The following CTBP2 variants were observed in gnomAD, a reference collection of about 807,000 sequenced individuals.
CTBP2 encodes C-terminal binding protein 2.
CTBP2 carries 30 observed loss-of-function variants against 80.3 expected under a neutral mutation model. That is an observed-to-expected ratio of 0.37 (90% confidence interval 0.28 to 0.51). The LOEUF (loss-of-function observed/expected upper bound fraction) is 0.51, where lower values mean the gene tolerates loss of function less well. Among genes scored for constraint, CTBP2 ranks in the 20% least tolerant of loss-of-function variants. CTBP2 has a pLI of 0.93. For missense variants in CTBP2, 1,212 were observed against 1,375.3 expected (o/e 0.88, Z 1.88); for synonymous variants, 594 against 587.4 (o/e 1.01, Z -0.16).
At chr10:125,134,969 A>T (rs186474210) in intron 1 of CTBP2, among the ~76,000 whole-genome samples, 290 of 151,552 alleles carry the variant, frequency 1.9e-3, no homozygotes, top group African/African-American at 6.7e-3. Context: ...TCATCCCAAC[A>T]GCCAACCCCC....
upstream of CTBP2, chr10:125,162,439 T>C (rs1161920219): frequency 6.6e-6 from 1 of 152,306 alleles, no homozygotes; most frequent in Non-Finnish European, 1.5e-5. Context: ...TCTTAAATCC[T>C]GCCCCAGCCC....
At chr10:125,007,103 C>T (rs996744155) in intron 1 of CTBP2, among the ~76,000 whole-genome samples, 2 of 152,216 alleles carry the variant, frequency 1.3e-5, no homozygotes, top group Admixed American at 6.5e-5. Flanking sequence ...TCCTTTCTAC[C>T]GTCTCCCGCC....
chr10:125,057,351 C>T (rs75024603), intron 2 of CTBP2, among the ~76,000 whole-genome samples: 7,103 of 152,232 alleles, frequency 0.047, 219 homozygotes, highest in East Asian at 0.11. Context: ...CATGGCTTAA[C>T]TTAGCCTGAG....
chr10:125,038,096 G>T (rs1959067811), intron 3 of CTBP2, among the ~76,000 whole-genome samples: 1 of 152,190 alleles, frequency 6.6e-6, no homozygotes, highest in South Asian at 2.1e-4. Context: ...TGAGGCCATG[G>T]AGTCACTCAG....
At chr10:125,004,959 G>A (rs1955033327) in intron 1 of CTBP2, among the ~76,000 whole-genome samples, 1 of 152,184 alleles carries the variant, frequency 6.6e-6, no homozygotes, top group South Asian at 2.1e-4. Context: ...CCCCAAGCTG[G>A]CCACTTGGTG....
chr10:125,059,143 G>A (rs759257034), intron 2 of CTBP2, among the ~76,000 whole-genome samples: 6 of 152,124 alleles, frequency 3.9e-5, no homozygotes, highest in Non-Finnish European at 8.8e-5. Flanking sequence ...TGGGCGGTGG[G>A]GGTGGGAGGC....
At chr10:125,151,085 A>G (rs1859764004) in intron 1 of CTBP2, among the ~76,000 whole-genome samples, 1 of 152,116 alleles carries the variant, frequency 6.6e-6, no homozygotes, top group South Asian at 2.1e-4. Context: ...GACACTAAGT[A>G]AGTGCTCAAG....
chr10:125,047,439 T>A (rs776463778), intron 2 of CTBP2, among the ~76,000 whole-genome samples: 18 of 152,162 alleles, frequency 1.2e-4, no homozygotes, highest in Non-Finnish European at 2.5e-4. Flanking sequence ...TTCCAGAATG[T>A]TTATATCTGA....
chr10:125,020,333 A>G (rs1956912329), intron 1 of CTBP2, among the ~76,000 whole-genome samples: 1 of 152,142 alleles, frequency 6.6e-6, no homozygotes, highest in Non-Finnish European at 1.5e-5. Context: ...CAGCCACACA[A>G]AACTATTATC....
chr10:125,069,421 C>T (rs1206576583), intron 2 of CTBP2, among the ~76,000 whole-genome samples: 1 of 152,138 alleles, frequency 6.6e-6, no homozygotes, highest in Non-Finnish European at 1.5e-5. Flanking sequence ...AGTTCAAGAC[C>T]AGCCTGGCCA....
intron 1 of CTBP2, among the ~76,000 whole-genome samples, 153 bp from the exon 4 acceptor site, chr10:125,003,645 A>G (rs1954844251): frequency 6.6e-6 from 1 of 152,152 alleles, no homozygotes. Flanking sequence ...ATCACCTTCC[A>G]GGGAGCCACT....
intron 1 of CTBP2, among the ~76,000 whole-genome samples, chr10:125,153,227 A>T (rs899813493): frequency 6.6e-5 from 10 of 152,364 alleles, no homozygotes; most frequent in African/African-American, 2.4e-4. Flanking sequence ...CGTTCCTGGG[A>T]CATGGCTTTA....
In CTBP2 at chr10:125,066,588, C is replaced by T. The variant is rs1302682013; in HGVS notation, c.-101-27433G>A. Among the ~76,000 whole-genome samples, 4 of 152,230 alleles carry T rather than the reference C, an allele frequency of 2.6e-5. No homozygotes were observed. In the South Asian group the frequency reaches 6.2e-4, roughly 24 times the overall value. On this transcript the variant is annotated intron_variant, in intron 2 of 10. Transcript: ENST00000337195. This position sits in a 1 kb window ranked among gnomAD's most constrained non-coding sequence, Gnocchi z 4.1. ...GTGGGCAGCATCTTTTCTGTTTGCA[C>T]GACTCAAAGTCTGCCTGGTGGAGGA...
intron 1 of CTBP2, among the ~76,000 whole-genome samples, chr10:125,126,168 T>C (rs1279285566): frequency 6.6e-6 from 1 of 152,216 alleles, no homozygotes; most frequent in Admixed American, 6.5e-5. Flanking sequence ...GTTCAGCTGC[T>C]GGTGCTTTCC....
At chr10:125,073,694 T>C (rs1253799999) in intron 2 of CTBP2, among the ~76,000 whole-genome samples, 1 of 152,248 alleles carries the variant, frequency 6.6e-6, no homozygotes, top group Admixed American at 6.5e-5. Context: ...GTTATGGCTA[T>C]AGCAGCTAAG....
intron 1 of CTBP2, among the ~76,000 whole-genome samples, chr10:125,132,635 G>C (rs896680369): frequency 6.6e-6 from 1 of 152,116 alleles, no homozygotes; most frequent in Admixed American, 6.5e-5. Context: ...ACCAGTATTC[G>C]CACATCCGTA....
intron 1 of CTBP2, among the ~76,000 whole-genome samples, chr10:125,015,644 C>A (rs544214371): frequency 6.6e-6 from 1 of 152,328 alleles, no homozygotes; most frequent in Non-Finnish European, 1.5e-5. Context: ...CAGTGCTCCC[C>A]GAAGCACTTC....
At chr10:125,126,774 TATTTCCAC>T (rs1855334901) in intron 1 of CTBP2, among the ~76,000 whole-genome samples, 2 of 152,330 alleles carry the variant, frequency 1.3e-5, no homozygotes, top group African/African-American at 4.8e-5. Context: ...CATCTATAGC[TATTTCCAC>T]ATTTCCACAC....
intron 2 of CTBP2, among the ~76,000 whole-genome samples, chr10:125,096,950 G>C (rs562948898): frequency 6.6e-6 from 1 of 152,164 alleles, no homozygotes; most frequent in Non-Finnish European, 1.5e-5. Context: ...ACATTTTAGA[G>C]TGTATCTGTA....
Sources: gnomAD v4.1 joint callset for allele counts (sites outside exome capture counted in the v4.1 genomes callset) on GRCh38, gnomAD v4.1.1 for gene constraint, Gnocchi (gnomAD v3.1) non-coding constraint, MANE v1.5 for transcripts, NCBI Gene and HGNC (gene_info 2026-07-23, HGNC 2026-07-21) for gene names.